The following ARHGAP24 variants were observed in gnomAD, a reference collection of about 807,000 sequenced individuals.
The protein encoded by ARHGAP24 is Rho GTPase activating protein 24, also known as rho GTPase-activating protein 24.
Under a neutral mutation model 76.4 loss-of-function variants are expected in ARHGAP24, and 50 were observed. The ratio of observed to expected loss-of-function variants is 0.65; its 90% confidence interval spans 0.52 to 0.83. The LOEUF is 0.83. ARHGAP24 is among the 40% of genes least tolerant of loss of function. The pLI is 0.00. For synonymous variants in ARHGAP24, 345 were observed against 323.3 expected, an observed-to-expected ratio of 1.07 and a Z score of -0.72; for missense variants, 930 against 914.2, an observed-to-expected ratio of 1.02 and a Z score of -0.22.
chr4:85,543,870 A>AAGC (rs1725803989), intron 1 of ARHGAP24, among the ~76,000 whole-genome samples: 2 of 152,104 alleles, frequency 1.3e-5, no homozygotes, highest in African/African-American at 4.8e-5. Context: ...GTCGTAGTAG[A>AAGC]AGTAGTAGTT....
chr4:85,741,314 A>G (rs1298901155), intron 3 of ARHGAP24, among the ~76,000 whole-genome samples: 1 of 152,232 alleles, frequency 6.6e-6, no homozygotes, highest in Non-Finnish European at 1.5e-5. Flanking sequence ...GGAACATCTT[A>G]GAGACTCTAT....
chr4:85,570,253 C>G (rs1182299941), intron 1 of ARHGAP24, among the ~76,000 whole-genome samples: 1 of 151,984 alleles, frequency 6.6e-6, no homozygotes, highest in Non-Finnish European at 1.5e-5. Flanking sequence ...ATTTTTCACC[C>G]CTTCTCCCAC....
At chr4:85,983,568 G>A (rs1739811045) in intron 8 of ARHGAP24, among the ~76,000 whole-genome samples, 2 of 152,238 alleles carry the variant, frequency 1.3e-5, no homozygotes, top group African/African-American at 2.4e-5. Context: ...ATGAACAGAC[G>A]CTTCTCAAAA....
chr4:85,849,074 C>T (rs1222956789), intron 3 of ARHGAP24, among the ~76,000 whole-genome samples: 9 of 144,200 alleles, frequency 6.2e-5, no homozygotes, highest in Non-Finnish European at 1.4e-4. Flanking sequence ...TCTTCCTACC[C>T]ATGAGCGTGG....
chr4:85,698,216 T>A (rs1723940869), intron 2 of ARHGAP24, among the ~76,000 whole-genome samples: 1 of 152,182 alleles, frequency 6.6e-6, no homozygotes, highest in Non-Finnish European at 1.5e-5. Flanking sequence ...GAGCTTGGCT[T>A]CTTACCAGAG....
chr4:85,734,498 C>A (rs1725530934), intron 3 of ARHGAP24, among the ~76,000 whole-genome samples: 1 of 152,158 alleles, frequency 6.6e-6, no homozygotes, highest in African/African-American at 2.4e-5. Context: ...GCACTTGATA[C>A]ATCTTATCCA....
chr4:85,480,141 AC>A (rs200786873), intron 1 of ARHGAP24, among the ~76,000 whole-genome samples: 3 of 151,986 alleles, frequency 2.0e-5, no homozygotes, highest in Admixed American at 6.6e-5. Flanking sequence ...TTAATATGAT[AC>A]CCCCCCTTTT....
intron 2 of ARHGAP24, among the ~76,000 whole-genome samples, chr4:85,689,220 C>G (rs1048972859): frequency 6.6e-6 from 1 of 152,086 alleles, no homozygotes; most frequent in Non-Finnish European, 1.5e-5. Context: ...TAAGTGATTT[C>G]ATTTAGCAGT....
chr4:85,627,457 G>A (rs71599420), intron 2 of ARHGAP24, among the ~76,000 whole-genome samples: 1 of 152,110 alleles, frequency 6.6e-6, no homozygotes, highest in African/African-American at 2.4e-5. Context: ...GGAGTACCCG[G>A]CCGTGTGAGG....
At chr4:85,551,734 C>A (rs145905628) in intron 1 of ARHGAP24, among the ~76,000 whole-genome samples, 3 of 152,222 alleles carry the variant, frequency 2.0e-5, no homozygotes, top group Non-Finnish European at 4.4e-5. Flanking sequence ...GATTCAGTTT[C>A]TTCCTAGTTC....
chr4:85,673,473 C>T (rs1022413426), intron 2 of ARHGAP24, among the ~76,000 whole-genome samples: 1 of 151,954 alleles, frequency 6.6e-6, no homozygotes, highest in African/African-American at 2.4e-5. Context: ...TTTTCTTTCT[C>T]TGCTTCTCAG....
At chr4:85,624,995 C>T (rs1192194864) in intron 2 of ARHGAP24, among the ~76,000 whole-genome samples, 1 of 152,048 alleles carries the variant, frequency 6.6e-6, no homozygotes, top group Non-Finnish European at 1.5e-5. Context: ...AGCAGTCTAT[C>T]AATTTTGTTG....
rs761585994 is a variant in ARHGAP24 at position 85,494,415 on chromosome 4, AT to A, written c.-21+18866del. Among the ~76,000 whole-genome samples the A allele has an allele frequency of 4.8e-4, 72 of 148,888 alleles. 1 individual carries two copies. The highest frequency in any genetic ancestry group is 2.5e-3 in the Admixed American group (37 of 14,914). On this transcript the variant is annotated intron_variant, in intron 1 of 9. Transcript: ENST00000395184. ...TGTGTTATATGTAACATTATTATAC[AT>A]TTTTTTTTTACTCTTTTAATATCTT...
chr4:85,555,402 A>G (rs971422), intron 1 of ARHGAP24, among the ~76,000 whole-genome samples: 125,493 of 152,230 alleles, frequency 0.82, 54,140 homozygotes, highest in East Asian at 0.98. Flanking sequence ...GTGTGGGCAG[A>G]AGGTGGCCTA....
intron 2 of ARHGAP24, among the ~76,000 whole-genome samples, chr4:85,719,595 A>G (rs375175672): frequency 9.8e-5 from 15 of 152,332 alleles, no homozygotes; most frequent in African/African-American, 3.4e-4. Context: ...GGACAGGAGC[A>G]TGGGCTTTTG....
At chr4:85,645,342 C>T (rs773367827) in intron 2 of ARHGAP24, among the ~76,000 whole-genome samples, 107 of 152,122 alleles carry the variant, frequency 7.0e-4, no homozygotes, top group Non-Finnish European at 1.3e-3. Flanking sequence ...TAATGGAATT[C>T]GGTCCTAGAT....
chr4:85,583,032 G>A (rs966037465), intron 2 of ARHGAP24, among the ~76,000 whole-genome samples: 1 of 152,044 alleles, frequency 6.6e-6, no homozygotes, highest in Non-Finnish European at 1.5e-5. Flanking sequence ...ATTCCACACA[G>A]CTGATACTCT....
chr4:85,602,346 G>A (rs1047408255), intron 2 of ARHGAP24, among the ~76,000 whole-genome samples: 1 of 152,138 alleles, frequency 6.6e-6, no homozygotes, highest in Non-Finnish European at 1.5e-5. Flanking sequence ...GATTTGGGTG[G>A]CAGTTGAGAG....
intron 1 of ARHGAP24, among the ~76,000 whole-genome samples, chr4:85,511,764 C>T (rs530031496): frequency 7.2e-5 from 11 of 152,268 alleles, no homozygotes; most frequent in South Asian, 2.1e-4. Flanking sequence ...CCCGCCTGGC[C>T]GAAATTCACT....
Sources: gnomAD v4.1 joint callset for allele counts (sites outside exome capture counted in the v4.1 genomes callset) on GRCh38, gnomAD v4.1.1 for gene constraint, MANE v1.5 for transcripts, NCBI Gene and HGNC (gene_info 2026-07-23, HGNC 2026-07-21) for gene names.